The following OSCP1 variants were observed in gnomAD, a reference collection of about 807,000 sequenced individuals.
The protein encoded by OSCP1 is organic solute carrier partner 1.
A neutral mutation model predicts 45.1 loss-of-function variants in OSCP1; 35 were observed. The ratio of observed to expected loss-of-function variants is 0.78; its 90% confidence interval spans 0.59 to 1.03. The LOEUF (loss-of-function observed/expected upper bound fraction) is 1.03, where lower values mean the gene tolerates loss of function less well. Among genes scored for constraint, OSCP1 ranks in the 50% least tolerant of loss-of-function variants. The probability of loss-of-function intolerance (pLI) is 0.00; values close to 1 mark genes in which losing one functional copy is unlikely to be tolerated. For missense variants in OSCP1, 400 were observed against 470.7 expected (o/e 0.85, Z 1.39); for synonymous variants, 179 against 180.1 (o/e 0.99, Z 0.05).
rs139932148 is a variant in OSCP1, at chr1:36,438,156, A to G, written c.267+600T>C. Among the ~76,000 whole-genome samples the G allele has an allele frequency of 8.3e-3, 1,256 of 152,164 alleles. 11 individuals are homozygous for G. The highest frequency in any genetic ancestry group is 0.01 in the Non-Finnish European group (708 of 67,998). On this transcript the variant is annotated intron_variant, in intron 2 of 9. Transcript: ENST00000235532. ...AACATGGAGAAAACCTGTCTTTACT[A>G]AAAATACAAAATTAGCCTGGCATGG...
intron 1 of OSCP1, among the ~76,000 whole-genome samples, chr1:36,449,321 G>A (rs534371735): frequency 6.6e-6 from 1 of 152,290 alleles, no homozygotes; most frequent in East Asian, 1.9e-4. Context: ...CTGGGGATTA[G>A]TGTGGTGTCC....
intron 4 of OSCP1, among the ~76,000 whole-genome samples, chr1:36,429,803 A>G (rs1382382915): frequency 6.8e-6 from 1 of 146,940 alleles, no homozygotes; most frequent in Non-Finnish European, 1.5e-5. Flanking sequence ...GCTGGAGCAC[A>G]GTAGCATGAT....
intron 4 of OSCP1, among the ~76,000 whole-genome samples, chr1:36,426,218 A>C (rs369449540): frequency 6.6e-6 from 1 of 152,348 alleles, no homozygotes; most frequent in East Asian, 1.9e-4. Context: ...TATGAGGTTG[A>C]CTATGGCATG....
intron 2 of OSCP1, among the ~76,000 whole-genome samples, chr1:36,435,085 C>CTTTT (rs980571964): frequency 4.3e-5 from 6 of 139,804 alleles, no homozygotes; most frequent in African/African-American, 1.3e-4. Context: ...CTTTTCTTTT[C>CTTTT]TTTTTCTTTT....
intron 1 of OSCP1, among the ~76,000 whole-genome samples, chr1:36,439,422 T>C (rs1648977384): frequency 6.6e-6 from 1 of 152,160 alleles, no homozygotes; most frequent in Admixed American, 6.5e-5. Flanking sequence ...GAGGATCACT[T>C]GAGCCCAGGA....
At chr1:36,419,608 TCTGTAAA>T (rs1418348330) in intron 8 of OSCP1, among the ~76,000 whole-genome samples, 13 of 152,184 alleles carry the variant, frequency 8.5e-5, no homozygotes, top group Admixed American at 8.5e-4. Flanking sequence ...GCAAAAGTGC[TCTGTAAA>T]CTGTAAAGCA....
intron 2 of OSCP1, among the ~76,000 whole-genome samples, chr1:36,437,164 G>A (rs1648800696): frequency 6.6e-6 from 1 of 152,054 alleles, no homozygotes; most frequent in African/African-American, 2.4e-5. Flanking sequence ...CCCCACCTAA[G>A]GAGGGGGAGT....
At chr1:36,428,189 CAAAAAAAAAA>C (rs71053930) in intron 4 of OSCP1, 4 of 847,156 alleles carry the variant, frequency 4.7e-6, no homozygotes, top group South Asian at 2.6e-5. Flanking sequence ...GACTGCATCT[CAAAAAAAAAA>C]AAAAAAAAAA....
At chr1:36,436,079 A>T (rs1648708829) in intron 2 of OSCP1, among the ~76,000 whole-genome samples, 1 of 150,370 alleles carries the variant, frequency 6.7e-6, no homozygotes, top group Non-Finnish European at 1.5e-5. Context: ...CATGATTTTT[A>T]AAATTTTTCT....
rs1649829526 is a variant in OSCP1, at chr1:36,450,354, G to A, written c.16C>T (p.Leu6=). 1 of 1,613,826 alleles carries A rather than the reference G, an allele frequency of 6.2e-7. No individual in the cohort carries two copies. Among genetic ancestry groups the A allele is most frequent in the Admixed American group, 1.7e-5 (1 of 59,986 alleles). The change falls in exon 1 of 10, where the codon CTA becomes TTA. Residue 6 remains leucine (L), a synonymous_variant. Coordinates refer to ENST00000235532, the MANE Select transcript of OSCP1 (RefSeq NM_145047.5). ...CCCAAGTTCAAGAAGAGCAGCGGTA[G>A]CGTCCGCACCGACATGGTGCTGGAA... is the stretch of plus-strand genomic sequence containing the variant. MSVRT[L]PLLFLNLGGE... is the part of the protein sequence containing the mutation.
chr1:36,445,954 C>T lies in OSCP1; in HGVS notation c.112+4304G>A, dbSNP rs188668374. On this transcript the variant is annotated intron_variant, in intron 1 of 9. Coordinates refer to ENST00000235532, the MANE Select transcript of OSCP1 (RefSeq NM_145047.5). ...TCTTGAACTCCTGACCTCAGGTGAT[C>T]TGCCCACCTTGGCCTCCCAAAGTGC... Among the ~76,000 whole-genome samples the T allele has an allele frequency of 3.6e-4, 55 of 152,024 alleles. No homozygotes were observed. The East Asian group carries it at 8.1e-3, about 23-fold the overall frequency.
rs1406842171 is a variant in OSCP1 at position 36,447,306 on chromosome 1, C to T, written c.112+2952G>A. Among the ~76,000 whole-genome samples the T allele has an allele frequency of 6.6e-6, 1 of 152,138 alleles. No homozygotes were observed. Among genetic ancestry groups the T allele is most frequent in the Non-Finnish European group, 1.5e-5 (1 of 68,040 alleles). On this transcript the variant is annotated intron_variant, in intron 1 of 9. Coordinates refer to ENST00000235532, the MANE Select transcript of OSCP1 (RefSeq NM_145047.5). This position sits in a 1 kb window ranked among gnomAD's most constrained non-coding sequence, Gnocchi z 4.1. ...TCTATCTTCTACAGATCTCCAACAG[C>T]CAACTATTTTGTCATTTATTTGATA...
intron 4 of OSCP1, among the ~76,000 whole-genome samples, chr1:36,430,855 A>C (rs1372331052): frequency 6.6e-6 from 1 of 152,072 alleles, no homozygotes; most frequent in Non-Finnish European, 1.5e-5. Context: ...GGGTTTTACC[A>C]TGTTGGCCAG....
Position 36,450,400 on chromosome 1 carries a change from G to A in OSCP1, c.-31C>T. ...TGGAAACGAGCTGGACTGGTGAAGAGCCCCGGGGTTCGGTAGCCAGTGGCC... is the reference window on the plus strand; with the variant it reads ...TGGAAACGAGCTGGACTGGTGAAGAACCCCGGGGTTCGGTAGCCAGTGGCC... On this transcript the variant is annotated 5_prime_UTR_variant, in exon 1 of 10. Transcript: ENST00000235532. The A allele has an allele frequency of 6.3e-7, 1 of 1,586,218 alleles. No homozygotes were observed.
At chr1:36,436,824 C>G (rs566235567) in intron 2 of OSCP1, among the ~76,000 whole-genome samples, 2 of 152,190 alleles carry the variant, frequency 1.3e-5, no homozygotes, top group East Asian at 3.8e-4. Flanking sequence ...TCCTTGGGCT[C>G]CTCTTGGCTG....
chr1:36,420,279 T>G, intron 8 of OSCP1, 197 bp downstream of exon 8: 1 of 657,456 alleles, frequency 1.5e-6, no homozygotes, highest in Non-Finnish European at 2.4e-6. Context: ...CCCGGCCCCA[T>G]CTCTTTTTTT....
intron 7 of OSCP1, chr1:36,421,913 CTCT>C (rs565543231): frequency 4.5e-4 from 259 of 570,528 alleles, no homozygotes; most frequent in Non-Finnish European, 7.1e-4. Context: ...TGTGTGGTTC[CTCT>C]TAATTATGGT....
intron 1 of OSCP1, among the ~76,000 whole-genome samples, chr1:36,446,142 C>A (rs994961128): frequency 3.3e-5 from 5 of 152,118 alleles, no homozygotes; most frequent in African/African-American, 4.8e-5. Flanking sequence ...CCTGCCTCAG[C>A]CTCCTGAGTC....
At chr1:36,444,809 C>T (rs1488367511) in intron 1 of OSCP1, among the ~76,000 whole-genome samples, 1 of 152,168 alleles carries the variant, frequency 6.6e-6, no homozygotes, top group African/African-American at 2.4e-5. Flanking sequence ...CTTGTTTAAC[C>T]TCAGTTTCCT....
Sources: gnomAD v4.1 joint callset for allele counts (sites outside exome capture counted in the v4.1 genomes callset) on GRCh38, gnomAD v4.1.1 for gene constraint, Gnocchi (gnomAD v3.1) non-coding constraint, MANE v1.5 for transcripts, NCBI Gene and HGNC (gene_info 2026-07-23, HGNC 2026-07-21) for gene names.